GALNT13: variants seen among roughly 807,000 people sequenced by gnomAD.
The protein encoded by GALNT13 is polypeptide N-acetylgalactosaminyltransferase 13, also known as UDP-GalNAc:polypeptide N-acetylgalactosaminyltransferase 13.
In GALNT13, 28 loss-of-function variants were observed where a neutral mutation model predicts 64.2. The observed-to-expected ratio is 0.44, with a 90% CI of 0.32 to 0.60. GALNT13 has a LOEUF of 0.60. Ranked by LOEUF, GALNT13 falls within the 20% of genes least tolerant of loss-of-function variation. GALNT13 has a pLI of 0.05. For synonymous variants in GALNT13, 214 were observed against 224.6 expected (o/e 0.95, Z 0.42); for missense variants, 577 against 669.8 (o/e 0.86, Z 1.53).
the GALNT13 span, among the ~76,000 whole-genome samples, chr2:153,848,317 A>G: frequency 6.6e-6 from 1 of 152,174 alleles, no homozygotes; most frequent in Non-Finnish European, 1.5e-5. Flanking sequence ...GGAACAGGGA[A>G]TTGAGCACAT....
Position 154,325,501 on chromosome 2 carries a change from G to A in GALNT13, c.1156+23912G>A, listed in dbSNP as rs1396589471. Among the ~76,000 whole-genome samples the A allele has an allele frequency of 2.6e-5, 4 of 152,100 alleles. No homozygotes were observed. In the East Asian group the frequency reaches 7.7e-4, roughly 29 times the overall value. On this transcript the variant is annotated intron_variant, in intron 9 of 12. Coordinates refer to ENST00000392825, the MANE Select transcript of GALNT13 (RefSeq NM_052917.4). ...ACTGCTACTGGGGTACTACAATCTC[G>A]GAACTGAGTTATATCATTTGTACTT...
chr2:153,163,524 C>G, the GALNT13 span, among the ~76,000 whole-genome samples: 1 of 151,964 alleles, frequency 6.6e-6, no homozygotes, highest in Non-Finnish European at 1.5e-5. Context: ...GCCTGGGGTC[C>G]CAACTAAGCT....
chr2:153,346,840 C>A, the GALNT13 span, among the ~76,000 whole-genome samples: 1 of 152,122 alleles, frequency 6.6e-6, no homozygotes, highest in Non-Finnish European at 1.5e-5. Context: ...CATTGTAATT[C>A]TATATCATAG....
the GALNT13 span, among the ~76,000 whole-genome samples, chr2:153,271,173 G>A: frequency 9.4e-4 from 143 of 152,242 alleles, no homozygotes; most frequent in African/African-American, 3.3e-3. Context: ...ATACTGAATG[G>A]GCAAAAGCTG....
chr2:153,957,493 G>C (rs6723913), intron 3 of GALNT13, among the ~76,000 whole-genome samples: 27,528 of 152,106 alleles, frequency 0.18, 4,575 homozygotes, highest in East Asian at 0.74. Context: ...GACAGTTTGT[G>C]GGGGCTAGTA....
chr2:154,205,049 A>G (rs1046215252), intron 4 of GALNT13, among the ~76,000 whole-genome samples: 5 of 152,186 alleles, frequency 3.3e-5, no homozygotes, highest in South Asian at 2.1e-4. Context: ...GTAGATGAAT[A>G]TATGAAAGAT....
chr2:154,251,026 T>G (rs533428389), intron 7 of GALNT13, among the ~76,000 whole-genome samples: 2 of 152,260 alleles, frequency 1.3e-5, no homozygotes, highest in African/African-American at 4.8e-5. Flanking sequence ...CAGATAAAAA[T>G]ATTTGAATCT....
chr2:154,123,053 T>C (rs574775648), intron 3 of GALNT13, among the ~76,000 whole-genome samples: 3 of 152,082 alleles, frequency 2.0e-5, no homozygotes, highest in Admixed American at 1.3e-4. Context: ...TATTGAAGTA[T>C]AGAAGGAAAA....
chr2:153,590,392 T>C, the GALNT13 span, among the ~76,000 whole-genome samples: 1 of 152,210 alleles, frequency 6.6e-6, no homozygotes, highest in East Asian at 1.9e-4. Context: ...TACAGCCAAA[T>C]TCTACCAAAT....
At chr2:153,291,056 G>A in the GALNT13 span, among the ~76,000 whole-genome samples, 2 of 152,020 alleles carry the variant, frequency 1.3e-5, no homozygotes, top group Admixed American at 1.3e-4. Flanking sequence ...GAAAATTTGT[G>A]TTTTCTCAAA....
At chr2:153,431,674 G>A in the GALNT13 span, among the ~76,000 whole-genome samples, 3 of 152,212 alleles carry the variant, frequency 2.0e-5, no homozygotes, top group African/African-American at 7.2e-5. Context: ...CATGGGATTG[G>A]AGGCCATTCT....
In GALNT13 at chr2:154,453,183, A is replaced by G. The variant is rs779066192; in HGVS notation, c.*2632A>G. ...CCTAATTTCCCAGTCCTTGTCTTGA[A>G]CAATCTTTTCTCAGTACAACAGCCA... On this transcript the variant is annotated 3_prime_UTR_variant, in exon 13 of 13. Transcript: ENST00000392825. The G allele has an allele frequency of 2.4e-4, 36 of 152,262 alleles. No individual in the cohort carries two copies. The highest frequency in any genetic ancestry group is 8.7e-4 in the African/African-American group (36 of 41,540). 9.4% of individuals were successfully genotyped at this position (152,262 alleles called of 1,614,324 possible).
chr2:153,956,412 T>C (rs1308808374), intron 3 of GALNT13, among the ~76,000 whole-genome samples: 1 of 152,238 alleles, frequency 6.6e-6, no homozygotes. Flanking sequence ...ATAGACAGTT[T>C]CCTTTTAATA....
chr2:153,446,768 C>G, the GALNT13 span: 1 of 152,108 alleles, frequency 6.6e-6, no homozygotes, highest in African/African-American at 2.4e-5. Flanking sequence ...TGGAATCAAT[C>G]TAGTGGATTG....
chr2:153,722,622 A>T, the GALNT13 span, among the ~76,000 whole-genome samples: 3 of 152,246 alleles, frequency 2.0e-5, no homozygotes, highest in East Asian at 5.8e-4. Flanking sequence ...TAAAGGGGAT[A>T]TCACCACCGA....
intron 2 of GALNT13, among the ~76,000 whole-genome samples, chr2:153,903,083 A>G (rs1688337167): frequency 6.6e-6 from 1 of 152,028 alleles, no homozygotes; most frequent in Non-Finnish European, 1.5e-5. Context: ...GGAGAAATGT[A>G]CCTTATGGTT....
At chr2:153,093,713 ACTC>A in the GALNT13 span, among the ~76,000 whole-genome samples, 2 of 151,672 alleles carry the variant, frequency 1.3e-5, no homozygotes, top group Non-Finnish European at 2.9e-5. Flanking sequence ...GGAAGTATTC[ACTC>A]CTCCTCTAGT....
the GALNT13 span, among the ~76,000 whole-genome samples, chr2:153,259,895 C>T: frequency 6.6e-6 from 1 of 151,884 alleles, no homozygotes; most frequent in East Asian, 1.9e-4. Context: ...TCTTTCCTTC[C>T]TGTCTTCCTC....
the GALNT13 span, among the ~76,000 whole-genome samples, chr2:153,822,437 A>C: frequency 0.87 from 132,865 of 151,888 alleles, 58,915 homozygotes; most frequent in Non-Finnish European, 0.92. Flanking sequence ...ATATACAAAT[A>C]AACAAATATG....
Sources: gnomAD v4.1 joint callset for allele counts (sites outside exome capture counted in the v4.1 genomes callset) on GRCh38, gnomAD v4.1.1 for gene constraint, MANE v1.5 for transcripts, NCBI Gene and HGNC (gene_info 2026-07-23, HGNC 2026-07-21) for gene names.